XIRP2: variants seen among roughly 807,000 people sequenced by gnomAD.
The protein encoded by XIRP2 is xin actin-binding repeat-containing protein 2.
In XIRP2, 236 loss-of-function variants were observed where a neutral mutation model predicts 277.0. That is an observed-to-expected ratio of 0.85 (90% confidence interval 0.77 to 0.95). The LOEUF (loss-of-function observed/expected upper bound fraction) is 0.95, where lower values mean the gene tolerates loss of function less well. Ranked by LOEUF, XIRP2 falls within the 40% of genes least tolerant of loss-of-function variation. The pLI is 0.00. For missense variants in XIRP2, 4,640 were observed against 4,157.5 expected, an observed-to-expected ratio of 1.12 and a Z score of -3.19; for synonymous variants, 1,490 against 1,416.5, an observed-to-expected ratio of 1.05 and a Z score of -1.17.
chr2:167,187,368 GC>G, intron 3 of XIRP2: 2 of 985,322 alleles, frequency 2.0e-6, no homozygotes, highest in Non-Finnish European at 2.4e-6. Flanking sequence ...CCATCTACTT[GC>G]TTGATAGACC....
chr2:167,222,440 T>G (rs1055141746), intron 5 of XIRP2, among the ~76,000 whole-genome samples: 3 of 152,212 alleles, frequency 2.0e-5, no homozygotes, highest in Admixed American at 2.0e-4. Context: ...TACTAGCCAT[T>G]TTTAACATTA....
chr2:166,889,597 T>A (rs1358271459), intron 1 of XIRP2: 1 of 152,956 alleles, frequency 6.5e-6, no homozygotes, highest in African/African-American at 2.4e-5. Flanking sequence ...CTTCTCCCAC[T>A]GTTTCCAGAT....
Position 166,903,459 on chromosome 2 carries a change from T to C in XIRP2, c.-18-6T>C. 1 of 1,592,062 alleles carries C rather than the reference T, an allele frequency of 6.3e-7. No individual in the cohort carries two copies. Among genetic ancestry groups the C allele is most frequent in the Non-Finnish European group, 8.6e-7 (1 of 1,167,560 alleles). On this transcript the variant is annotated splice_region_variant and splice_polypyrimidine_tract_variant and intron_variant, in intron 1 of 10. Transcript: ENST00000409195. ...ATCACTGATAAAAGGATTCTTGATA[T>C]TGCAGGACAACCTGGACCCATCCAT...
At chr2:166,904,342 C>G (rs1432314834) in intron 2 of XIRP2, among the ~76,000 whole-genome samples, 3 of 152,124 alleles carry the variant, frequency 2.0e-5, no homozygotes, top group Non-Finnish European at 4.4e-5. Flanking sequence ...ATCCTAAAGC[C>G]TGCCATTAAC....
chr2:167,226,730 G>T (rs1694613112), intron 5 of XIRP2, among the ~76,000 whole-genome samples: 1 of 152,036 alleles, frequency 6.6e-6, no homozygotes. Flanking sequence ...TATGCTACAG[G>T]GATGTAGTGG....
chr2:167,166,784 C>T (rs1053052607), intron 3 of XIRP2, among the ~76,000 whole-genome samples: 1 of 152,178 alleles, frequency 6.6e-6, no homozygotes, highest in African/African-American at 2.4e-5. Flanking sequence ...CAAACACCTT[C>T]CACGAGGCCT....
At position 167,250,630 on chromosome 2, in the gene XIRP2, G is replaced by A; in HGVS notation, c.9238G>A (p.Val3080Ile). ...AAATAAAATTGCCAAAGAGAAAACA[G>A]TACAGCACCAAGTAGCAGCTCATCA... is the stretch of plus-strand genomic sequence containing the variant. ...KENKIAKEKT[V>I]QHQVAAHHEA... The change falls in exon 9 of 11, where the codon GTA (valine) becomes ATA (isoleucine). Residue 3080 changes from valine to isoleucine, a missense_variant. Val to Ile is a conservative substitution (Grantham distance 29). Coordinates refer to ENST00000409195, the MANE Select transcript of XIRP2 (RefSeq NM_152381.6). 1.9e-6 allele frequency: 3 copies of A among 1,613,386 alleles called. No individual in the cohort carries two copies. Among genetic ancestry groups the A allele is most frequent in the Non-Finnish European group, 2.5e-6 (3 of 1,179,694 alleles).
chr2:167,182,448 G>A (rs1471243645), intron 3 of XIRP2, among the ~76,000 whole-genome samples: 1 of 152,140 alleles, frequency 6.6e-6, no homozygotes, highest in Non-Finnish European at 1.5e-5. Flanking sequence ...GGCCTTGCCA[G>A]AGCCTACCTA....
chr2:167,257,022 T>C (rs1392893358), intron 10 of XIRP2, among the ~76,000 whole-genome samples: 1 of 151,988 alleles, frequency 6.6e-6, no homozygotes, highest in Non-Finnish European at 1.5e-5. Context: ...GCACTCATTG[T>C]CTATTGGAGA....
intron 2 of XIRP2, among the ~76,000 whole-genome samples, chr2:167,130,427 G>T (rs1018564060): frequency 6.6e-6 from 1 of 151,966 alleles, no homozygotes; most frequent in African/African-American, 2.4e-5. Context: ...TGAGTTCCTA[G>T]GTTTCCTCCT....
chr2:167,157,610 A>C (rs1692238636), intron 3 of XIRP2, among the ~76,000 whole-genome samples: 1 of 152,156 alleles, frequency 6.6e-6, no homozygotes, highest in East Asian at 1.9e-4. Flanking sequence ...ACTAAAAATA[A>C]GTGCTTTTTC....
intron 2 of XIRP2, among the ~76,000 whole-genome samples, chr2:166,924,369 TC>T (rs1487122507): frequency 6.6e-6 from 1 of 152,060 alleles, no homozygotes; most frequent in East Asian, 1.9e-4. Context: ...AGACAATGTG[TC>T]CCTTTTGAGG....
chr2:166,977,362 T>C (rs888824037), intron 2 of XIRP2, among the ~76,000 whole-genome samples: 3 of 152,200 alleles, frequency 2.0e-5, no homozygotes, highest in South Asian at 2.1e-4. Context: ...TACAAATCCT[T>C]TGGACTACTT....
chr2:167,098,873 G>A (rs1005644303), intron 2 of XIRP2, among the ~76,000 whole-genome samples: 4 of 152,168 alleles, frequency 2.6e-5, no homozygotes, highest in Non-Finnish European at 4.4e-5. Context: ...CACCAGTGGA[G>A]GCTGCAGAAT....
intron 2 of XIRP2, among the ~76,000 whole-genome samples, chr2:167,063,386 C>A (rs917415471): frequency 6.6e-6 from 1 of 151,824 alleles, no homozygotes; most frequent in Non-Finnish European, 1.5e-5. Flanking sequence ...CTTCTGGTTT[C>A]GAAAGGAATG....
intron 2 of XIRP2, among the ~76,000 whole-genome samples, chr2:166,938,694 G>A (rs1018164160): frequency 5.9e-5 from 9 of 152,122 alleles, no homozygotes; most frequent in Admixed American, 1.3e-4. Flanking sequence ...TGACAGTGGG[G>A]TTTTAAAGTC....
chr2:167,031,127 A>G lies in XIRP2; in HGVS notation c.409-104782A>G, dbSNP rs142028013. Among the ~76,000 whole-genome samples, 567 of 152,088 alleles carry G rather than the reference A, an allele frequency of 3.7e-3. 9 individuals carry two copies. Among genetic ancestry groups the G allele is most frequent in the African/African-American group, 0.013 (547 of 41,480 alleles). ...TGGATCTCCTGAATACAGCACACCA[A>G]TGGGTCTTGACTCTATCCAATTTGC... On this transcript the variant is annotated intron_variant, in intron 2 of 10. Transcript: ENST00000409195.
chr2:167,255,095 T>C (rs1260496861), intron 10 of XIRP2, among the ~76,000 whole-genome samples: 1 of 151,764 alleles, frequency 6.6e-6, no homozygotes, highest in Non-Finnish European at 1.5e-5. Context: ...GGACTCTCTG[T>C]CCATTACCAA....
intron 3 of XIRP2, among the ~76,000 whole-genome samples, chr2:167,145,405 G>T (rs1691834598): frequency 6.6e-6 from 1 of 152,144 alleles, no homozygotes; most frequent in African/African-American, 2.4e-5. Flanking sequence ...TATTAAAGAA[G>T]TCATTGGGAA....
Sources: gnomAD v4.1 joint callset for allele counts (sites outside exome capture counted in the v4.1 genomes callset) on GRCh38, gnomAD v4.1.1 for gene constraint, MANE v1.5 for transcripts, NCBI Gene and HGNC (gene_info 2026-07-23, HGNC 2026-07-21) for gene names.